The following DMD variants were observed in gnomAD, a reference collection of about 807,000 sequenced individuals.
The protein encoded by DMD is mutant dystrophin.
DMD carries 63 observed loss-of-function variants against 330.1 expected under a neutral mutation model. The ratio of observed to expected loss-of-function variants is 0.19; its 90% confidence interval spans 0.16 to 0.24. DMD has a LOEUF of 0.24. DMD is among the 10% of genes least tolerant of loss of function. DMD has a pLI of 1.00. For missense variants in DMD, 3,344 were observed against 2,684.1 expected, an observed-to-expected ratio of 1.25 and a Z score of -5.43; for synonymous variants, 1,223 against 959.8, an observed-to-expected ratio of 1.27 and a Z score of -5.07.
chrX:32,270,602 T>A (rs1286276803), intron 43 of DMD, among the ~76,000 whole-genome samples: 1 of 111,631 alleles, frequency 9.0e-6, no homozygotes, highest in Non-Finnish European at 1.9e-5. Flanking sequence ...CGTGACTTGC[T>A]TTGACAATTG....
At chrX:32,023,345 G>T (rs2095821575) in intron 44 of DMD, among the ~76,000 whole-genome samples, 1 of 111,034 alleles carries the variant, frequency 9.0e-6, no homozygotes, top group African/African-American at 3.3e-5. Flanking sequence ...GCTAGAGAAG[G>T]AAACCAGCAT....
chrX:32,007,237 TA>T (rs2095669072), intron 44 of DMD, among the ~76,000 whole-genome samples: 1 of 104,874 alleles, frequency 9.5e-6, no homozygotes, highest in Non-Finnish European at 2.0e-5. Flanking sequence ...ATAATAATAA[TA>T]ATAATAATAA....
At chrX:32,406,682 G>A (rs996544071) in intron 30 of DMD, among the ~76,000 whole-genome samples, 3 of 110,685 alleles carry the variant, frequency 2.7e-5, no homozygotes, top group Non-Finnish European at 5.7e-5. Context: ...TTTTTGCATC[G>A]ATGTTCATCA....
chrX:32,608,329 C>T (rs2056900147), intron 12 of DMD, among the ~76,000 whole-genome samples: 1 of 110,386 alleles, frequency 9.1e-6, no homozygotes, highest in Admixed American at 9.7e-5. Flanking sequence ...AACTGAATAT[C>T]ATGCACATAC....
Position 31,261,387 on chromosome X carries a change from G to T in DMD, c.9225-371C>A. ...CACTACAGAAAGGACACCGACAACT[G>T]ATTATTATTCAACTCTGTCAAAGAG... On this transcript the variant is annotated intron_variant, in intron 62 of 78. Transcript: ENST00000357033. The T allele has an allele frequency of 5.1e-6, 1 of 195,568 alleles. No homozygotes were observed. The highest frequency in any genetic ancestry group is 1.3e-4 in the East Asian group (1 of 7,882). 16.1% of individuals were successfully genotyped at this position (195,568 alleles called of 1,213,427 possible). A position where few individuals can be genotyped will look rare whatever the true frequency, so the allele number is the denominator to read the frequency against.
chrX:31,224,501 T>C (rs1383942294), intron 63 of DMD, among the ~76,000 whole-genome samples: 2 of 112,085 alleles, frequency 1.8e-5, no homozygotes, highest in Non-Finnish European at 3.8e-5. Flanking sequence ...GAATACCAAA[T>C]GTTGGTGAGG....
chrX:31,894,990 A>C (rs114609690), intron 47 of DMD, among the ~76,000 whole-genome samples: 8,477 of 111,785 alleles, frequency 0.076, 312 homozygotes, highest in African/African-American at 0.13. Context: ...TAAAAGAAAA[A>C]TTATTTAGGG....
At chrX:32,415,905 A>C (rs1463522507) in intron 29 of DMD, among the ~76,000 whole-genome samples, 1 of 112,432 alleles carries the variant, frequency 8.9e-6, no homozygotes, top group Admixed American at 9.4e-5. Context: ...GTACTATGGA[A>C]ATATAAAATA....
In DMD at chrX:32,358,059, C is replaced by A. The variant is rs186212628; in HGVS notation, c.5325+4729G>T. ...CATCGTATTTTACCTAGCAATAGAT[C>A]CCCCTCACTACCAAACACTGTTATC... On this transcript the variant is annotated intron_variant, in intron 37 of 78. Transcript: ENST00000357033. 8.2e-5 allele frequency among the ~76,000 whole-genome samples: 9 copies of A among 109,988 alleles called. No individual in the cohort carries two copies. In the South Asian group the frequency reaches 2.0e-3, roughly 24 times the overall value.
At chrX:32,121,061 C>T (rs1245411348) in intron 44 of DMD, among the ~76,000 whole-genome samples, 2 of 111,956 alleles carry the variant, frequency 1.8e-5, no homozygotes, top group African/African-American at 6.5e-5. Flanking sequence ...TGCAAACGTT[C>T]GTTAGAAGTT....
At chrX:31,460,232 C>A (rs1164336244) in intron 59 of DMD, among the ~76,000 whole-genome samples, 3 of 111,447 alleles carry the variant, frequency 2.7e-5, no homozygotes, top group Non-Finnish European at 5.7e-5. Flanking sequence ...TACTTTCTCC[C>A]AGTTGATCCC....
chrX:31,612,739 C>A (rs754689234), intron 55 of DMD, among the ~76,000 whole-genome samples: 1 of 111,538 alleles, frequency 9.0e-6, no homozygotes, highest in East Asian at 2.8e-4. Context: ...CAAAGAAAAG[C>A]AAATAAAGAA....
At chrX:31,769,388 A>G (rs956969027) in intron 51 of DMD, among the ~76,000 whole-genome samples, 10 of 112,322 alleles carry the variant, frequency 8.9e-5, no homozygotes, top group African/African-American at 3.2e-4. Flanking sequence ...ATTGAGAACC[A>G]ATTACTGTAC....
At chrX:32,465,585 T>TTTG (rs1569563841) in intron 23 of DMD, among the ~76,000 whole-genome samples, 194 of 75,466 alleles carry the variant, frequency 2.6e-3, no homozygotes, top group African/African-American at 9.1e-3. Context: ...GTTTTTTGTT[T>TTTG]TTTTTTTTTT....
At chrX:31,314,198 C>A (rs967194368) in intron 62 of DMD, among the ~76,000 whole-genome samples, 1 of 112,013 alleles carries the variant, frequency 8.9e-6, no homozygotes. Flanking sequence ...TGGGAAGATA[C>A]AGATGAAACA....
chrX:33,006,343 A>T (rs774478875), intron 2 of DMD, among the ~76,000 whole-genome samples: 1 of 112,123 alleles, frequency 8.9e-6, no homozygotes, highest in Non-Finnish European at 1.9e-5. Flanking sequence ...TGACTACAAG[A>T]CTTACTATGA....
chrX:32,307,795 T>C (rs576342669), intron 42 of DMD, among the ~76,000 whole-genome samples: 1 of 111,558 alleles, frequency 9.0e-6, no homozygotes, highest in Non-Finnish European at 1.9e-5. Flanking sequence ...AACACAGTAA[T>C]TATATTTTGG....
At chrX:32,909,449 G>A (rs1383319381) in intron 2 of DMD, among the ~76,000 whole-genome samples, 1 of 111,614 alleles carries the variant, frequency 9.0e-6, no homozygotes, top group Non-Finnish European at 1.9e-5. Flanking sequence ...CGCCACGTCA[G>A]AGGAGTGAGT....
chrX:32,789,126 G>A (rs950817031), intron 7 of DMD, among the ~76,000 whole-genome samples: 4 of 112,236 alleles, frequency 3.6e-5, no homozygotes, highest in African/African-American at 1.3e-4. Context: ...AAGAAGGAAT[G>A]AAGAGAGACA....
Sources: gnomAD v4.1 joint callset for allele counts (sites outside exome capture counted in the v4.1 genomes callset) on GRCh38, gnomAD v4.1.1 for gene constraint, MANE v1.5 for transcripts, NCBI Gene and HGNC (gene_info 2026-07-23, HGNC 2026-07-21) for gene names.